The following ZFYVE28 variants were observed in gnomAD, a reference collection of about 807,000 sequenced individuals.
The protein encoded by ZFYVE28 is lateral signaling target protein 2 homolog.
In ZFYVE28, 40 loss-of-function variants were observed where a neutral mutation model predicts 82.1. That is an observed-to-expected ratio of 0.49 (90% confidence interval 0.38 to 0.63). ZFYVE28 has a LOEUF of 0.63. ZFYVE28 is among the 30% of genes least tolerant of loss of function. The pLI, the probability that ZFYVE28 is intolerant of heterozygous loss-of-function variation, is 0.00. For missense variants in ZFYVE28, 1,321 were observed against 1,242.1 expected, an observed-to-expected ratio of 1.06 and a Z score of -0.96; for synonymous variants, 612 against 546.1, an observed-to-expected ratio of 1.12 and a Z score of -1.68.
At chr4:2,333,107 C>T (rs1720976989) in intron 6 of ZFYVE28, among the ~76,000 whole-genome samples, 1 of 151,972 alleles carries the variant, frequency 6.6e-6, no homozygotes, top group Non-Finnish European at 1.5e-5. Context: ...CCAGTGCCTC[C>T]AGGAGGGGAC....
At chr4:2,311,937 C>T (rs1717524596) in intron 7 of ZFYVE28, among the ~76,000 whole-genome samples, 1 of 151,988 alleles carries the variant, frequency 6.6e-6, no homozygotes, top group African/African-American at 2.4e-5. Context: ...CCATGATGCC[C>T]AACTAAGTTT....
At chr4:2,334,374 G>A (rs2108851885) in intron 6 of ZFYVE28, among the ~76,000 whole-genome samples, 1 of 152,114 alleles carries the variant, frequency 6.6e-6, no homozygotes, top group South Asian at 2.1e-4. Context: ...AACAAGGGGT[G>A]TTCGGCGCAT....
intron 8 of ZFYVE28, among the ~76,000 whole-genome samples, chr4:2,302,886 C>A (rs751168508): frequency 6.6e-6 from 1 of 152,254 alleles, no homozygotes; most frequent in Non-Finnish European, 1.5e-5. Flanking sequence ...AGATGTTTCT[C>A]GACTTAACCC....
chr4:2,303,472 C>T (rs142811837), intron 8 of ZFYVE28, among the ~76,000 whole-genome samples: 87 of 152,340 alleles, frequency 5.7e-4, no homozygotes, highest in South Asian at 4.4e-3. Context: ...CCCTGTCCTC[C>T]GTCTCTCTTC....
At chr4:2,303,861 G>A (rs534488677) in intron 8 of ZFYVE28, among the ~76,000 whole-genome samples, 1 of 152,370 alleles carries the variant, frequency 6.6e-6, no homozygotes, top group Admixed American at 6.5e-5. Context: ...TCAGCAAAGA[G>A]AAGTGGGCAG....
chr4:2,315,157 G>C (rs879358965), intron 7 of ZFYVE28, among the ~76,000 whole-genome samples: 6 of 152,094 alleles, frequency 3.9e-5, no homozygotes, highest in Admixed American at 3.3e-4. Context: ...GCAGGTTGCT[G>C]ATAACAAATT....
rs1046104049 is a variant in ZFYVE28 at position 2,348,855 on chromosome 4, A to G, written c.180+5078T>C. 3.9e-5 allele frequency among the ~76,000 whole-genome samples: 6 copies of G among 152,084 alleles called. No homozygotes were observed. The East Asian group carries it at 1.2e-3, about 29-fold the overall frequency. On this transcript the variant is annotated intron_variant, in intron 2 of 12. Transcript: ENST00000290974. ...CTTTTATCTTTGTAGCATATTTGTGATTCCCAGCTGGTTCTCTGATCCTCT... is the reference window on the plus strand; with the variant it reads ...CTTTTATCTTTGTAGCATATTTGTGGTTCCCAGCTGGTTCTCTGATCCTCT...
intron 6 of ZFYVE28, chr4:2,330,395 C>T: frequency 2.0e-6 from 2 of 1,007,720 alleles, no homozygotes; most frequent in Non-Finnish European, 2.4e-6. Flanking sequence ...GAGTAGGGGA[C>T]AGTGCAGAGG....
In ZFYVE28 at chr4:2,362,812, C is replaced by G. The variant is rs1367413215; in HGVS notation, c.40-8739G>C. Among the ~76,000 whole-genome samples, 1 of 152,104 alleles carries G rather than the reference C, an allele frequency of 6.6e-6. No individual in the cohort carries two copies. Among genetic ancestry groups the G allele is most frequent in the African/African-American group, 2.4e-5 (1 of 41,452 alleles). Reference sequence around the variant, plus strand: ...TCTGCCCTCCTCTGGGGTCAGGGAGCTGCAGTGGGCACGCTGGGTCAGCAG... The same window carrying G: ...TCTGCCCTCCTCTGGGGTCAGGGAGGTGCAGTGGGCACGCTGGGTCAGCAG... On this transcript the variant is annotated intron_variant, in intron 1 of 12. Transcript: ENST00000290974. This position sits in a 1 kb window ranked among gnomAD's most constrained non-coding sequence, Gnocchi z 5.1.
intron 6 of ZFYVE28, among the ~76,000 whole-genome samples, chr4:2,324,036 A>G (rs1719499322): frequency 6.6e-6 from 1 of 152,124 alleles, no homozygotes; most frequent in South Asian, 2.1e-4. Context: ...CCATTGCAAA[A>G]TCTGAGAACA....
chr4:2,283,819 G>A (rs1454933226), intron 8 of ZFYVE28, among the ~76,000 whole-genome samples: 1 of 152,212 alleles, frequency 6.6e-6, no homozygotes, highest in African/African-American at 2.4e-5. Context: ...TGGAGTGCCA[G>A]GGAGGGTTCC....
At position 2,409,243 on chromosome 4, in the gene ZFYVE28, C is replaced by A. The variant is rs2108684728; in HGVS notation, c.39+9042G>T. On this transcript the variant is annotated intron_variant, in intron 1 of 12. Coordinates refer to ENST00000290974, the MANE Select transcript of ZFYVE28 (RefSeq NM_020972.3). This position sits in a 1 kb window ranked among gnomAD's most constrained non-coding sequence, Gnocchi z 4.4. ...GCACCTCTCCCCCAGCCAGGTCCCA[C>A]CCCCACCAGGCCCAGATCCATCTAC... Among the ~76,000 whole-genome samples the A allele has an allele frequency of 6.6e-6, 1 of 151,662 alleles. No homozygotes were observed. Among genetic ancestry groups the A allele is most frequent in the South Asian group, 2.1e-4 (1 of 4,784 alleles).
chr4:2,409,076 C>T lies in ZFYVE28; in HGVS notation c.39+9209G>A, dbSNP rs1732235954. On this transcript the variant is annotated intron_variant, in intron 1 of 12. Coordinates refer to ENST00000290974, the MANE Select transcript of ZFYVE28 (RefSeq NM_020972.3). This position sits in a 1 kb window ranked among gnomAD's most constrained non-coding sequence, Gnocchi z 4.4. ...GCCTTTACGCGGTCTGTGACACAGCCCTGAACGCCCCTGGCCCCCCACCCT... is the reference window on the plus strand; with the variant it reads ...GCCTTTACGCGGTCTGTGACACAGCTCTGAACGCCCCTGGCCCCCCACCCT... Among the ~76,000 whole-genome samples, 1 of 152,066 alleles carries T rather than the reference C, an allele frequency of 6.6e-6. No homozygotes were observed. Among genetic ancestry groups the T allele is most frequent in the African/African-American group, 2.4e-5 (1 of 41,376 alleles).
intron 1 of ZFYVE28, among the ~76,000 whole-genome samples, chr4:2,398,931 G>A (rs1296021867): frequency 4.7e-5 from 6 of 127,938 alleles, no homozygotes; most frequent in South Asian, 6.1e-4. Flanking sequence ...GGGCACAAGC[G>A]GGGGCAAGAT....
intron 6 of ZFYVE28, among the ~76,000 whole-genome samples, chr4:2,321,952 C>T (rs551230859): frequency 5.3e-5 from 8 of 152,312 alleles, no homozygotes; most frequent in African/African-American, 1.7e-4. Context: ...GAAAAGAACT[C>T]GTTCATCAGG....
At chr4:2,369,390 G>T (rs1489930354) in intron 1 of ZFYVE28, among the ~76,000 whole-genome samples, 5 of 152,204 alleles carry the variant, frequency 3.3e-5, no homozygotes, top group Non-Finnish European at 5.9e-5. Flanking sequence ...TTGCCATAAA[G>T]AGAGGCCCTT....
In ZFYVE28 at chr4:2,409,977, C is replaced by A. The variant is rs138927760; in HGVS notation, c.39+8308G>T. On this transcript the variant is annotated intron_variant, in intron 1 of 12. Coordinates refer to ENST00000290974, the MANE Select transcript of ZFYVE28 (RefSeq NM_020972.3). The surrounding 1 kb of genome is among the most constrained non-coding windows in gnomAD (Gnocchi z 4.4). ...CCAAAGCCCCCAAGTCAGCTGCCTACGCAGAAAGCCAAACTCAGGAACCAT... is the reference window on the plus strand; with the variant it reads ...CCAAAGCCCCCAAGTCAGCTGCCTAAGCAGAAAGCCAAACTCAGGAACCAT... Among the ~76,000 whole-genome samples the A allele has an allele frequency of 2.6e-5, 4 of 152,312 alleles. No homozygotes were observed. The East Asian group carries it at 5.8e-4, about 22-fold the overall frequency.
At chr4:2,368,381 G>C (rs1022436178) in intron 1 of ZFYVE28, among the ~76,000 whole-genome samples, 2 of 150,718 alleles carry the variant, frequency 1.3e-5, no homozygotes, top group African/African-American at 4.9e-5. Flanking sequence ...CAGCCTGGGT[G>C]ACAGCGTGAG....
intron 1 of ZFYVE28, among the ~76,000 whole-genome samples, chr4:2,407,526 G>C (rs1732052044): frequency 6.6e-6 from 1 of 151,886 alleles, no homozygotes; most frequent in Non-Finnish European, 1.5e-5. Context: ...TCTCAGCCGT[G>C]AGCAGAAAAC....
Sources: allele counts gnomAD v4.1 joint callset (sites outside exome capture counted in the v4.1 genomes callset), GRCh38; gene constraint gnomAD v4.1.1; non-coding constraint Gnocchi (gnomAD v3.1); transcripts MANE v1.5; gene names NCBI Gene and HGNC (gene_info 2026-07-23, HGNC 2026-07-21).